The following OMA1 variants were observed in gnomAD, a reference collection of about 807,000 sequenced individuals.
OMA1 encodes the protein metalloendopeptidase OMA1, mitochondrial.
In OMA1, 38 loss-of-function variants were observed where a neutral mutation model predicts 30.9. That is an observed-to-expected ratio of 1.23 (90% CI 0.95 to 1.61). OMA1 has a LOEUF of 1.61. OMA1 is among the 40% of genes most tolerant of loss of function. The pLI is 0.00. For synonymous variants in OMA1, 173 were observed against 121.9 expected, an observed-to-expected ratio of 1.42 and a Z score of -2.76; for missense variants, 461 against 349.2, an observed-to-expected ratio of 1.32 and a Z score of -2.55.
intron 8 of OMA1, among the ~76,000 whole-genome samples, chr1:58,488,192 T>C (rs997270060): frequency 8.5e-5 from 13 of 152,186 alleles, no homozygotes; most frequent in African/African-American, 2.4e-4. Flanking sequence ...CATCCTCTTA[T>C]TGTTTATAGA....
chr1:58,539,310 C>T lies in OMA1; in HGVS notation c.-16G>A. The stretch of plus-strand genomic sequence containing the variant: ...TGAAGCTCATTTTTTCACTTGACTA[C>T]CTGAAACAAAAAAAAAACTATAAAT... On this transcript the variant is annotated splice_region_variant and 5_prime_UTR_variant, in exon 2 of 9. Transcript: ENST00000371226. 2.5e-6 allele frequency: 2 copies of T among 805,018 alleles called. No homozygotes were observed. The highest frequency in any genetic ancestry group is 2.3e-4 in the Middle Eastern group (1 of 4,264). 49.9% of individuals were successfully genotyped at this position (805,018 alleles called of 1,614,324 possible).
At chr1:58,526,658 T>C (rs4912344) in intron 7 of OMA1, among the ~76,000 whole-genome samples, 87,946 of 150,308 alleles carry the variant, frequency 0.59, 27,859 homozygotes, top group East Asian at 0.82. Flanking sequence ...TGTCTGTTCG[T>C]CTACTGTTTA....
chr1:58,491,150 T>C (rs79002688), intron 8 of OMA1, among the ~76,000 whole-genome samples: 5 of 151,994 alleles, frequency 3.3e-5, no homozygotes, highest in Admixed American at 2.6e-4. Context: ...CAGAATTTCA[T>C]ATCCAGCCAA....
chr1:58,498,864 C>G (rs1422625746), intron 8 of OMA1, among the ~76,000 whole-genome samples: 2 of 151,986 alleles, frequency 1.3e-5, no homozygotes, highest in Admixed American at 6.5e-5. Flanking sequence ...TGGATTCTGA[C>G]TAGTTTTTGA....
intron 7 of OMA1, among the ~76,000 whole-genome samples, chr1:58,509,763 A>G (rs896361457): frequency 1.3e-5 from 2 of 151,896 alleles, no homozygotes; most frequent in Admixed American, 1.3e-4. Context: ...AGTAAGAAAA[A>G]AAAAGACTTA....
intron 5 of OMA1, among the ~76,000 whole-genome samples, chr1:58,532,215 T>A (rs1342261288): frequency 1.3e-5 from 2 of 152,164 alleles, no homozygotes; most frequent in African/African-American, 4.8e-5. Flanking sequence ...AGAGAAAATA[T>A]TGTGCTGACA....
intron 7 of OMA1, among the ~76,000 whole-genome samples, chr1:58,520,777 A>G (rs1339521193): frequency 6.6e-6 from 1 of 152,202 alleles, no homozygotes; most frequent in Non-Finnish European, 1.5e-5. Flanking sequence ...TCTAACAAGT[A>G]TGTATATTAA....
At chr1:58,510,220 A>T (rs2100425409) in intron 7 of OMA1, among the ~76,000 whole-genome samples, 1 of 152,128 alleles carries the variant, frequency 6.6e-6, no homozygotes, top group East Asian at 1.9e-4. Flanking sequence ...ACATAAATAC[A>T]AAAATTCTTA....
chr1:58,489,832 G>C (rs149971045), intron 8 of OMA1, among the ~76,000 whole-genome samples: 18 of 152,266 alleles, frequency 1.2e-4, no homozygotes, highest in African/African-American at 3.6e-4. Context: ...AGGCAAACAG[G>C]GTCTGGAGTG....
chr1:58,494,445 G>A (rs1434876928), intron 8 of OMA1, among the ~76,000 whole-genome samples: 1 of 152,154 alleles, frequency 6.6e-6, no homozygotes, highest in Non-Finnish European at 1.5e-5. Context: ...AAGAGCTTCT[G>A]CACAGCAAAA....
chr1:58,530,567 C>T, intron 6 of OMA1, 34 bp downstream of exon 6: 3 of 856,520 alleles, frequency 3.5e-6, no homozygotes, highest in Non-Finnish European at 6.1e-6. Flanking sequence ...TCACCAGAGG[C>T]TATGATCAAT....
intron 8 of OMA1, among the ~76,000 whole-genome samples, chr1:58,496,140 C>T (rs1645797356): frequency 6.6e-6 from 1 of 151,804 alleles, no homozygotes; most frequent in Non-Finnish European, 1.5e-5. Context: ...TTTCCTGGTG[C>T]CTTTTCAATA....
intron 7 of OMA1, among the ~76,000 whole-genome samples, chr1:58,526,393 GATCA>G (rs960668627): frequency 6.6e-6 from 1 of 151,912 alleles, no homozygotes; most frequent in African/African-American, 2.4e-5. Flanking sequence ...CATAACAAAG[GATCA>G]ATTAAAACTT....
intron 8 of OMA1, among the ~76,000 whole-genome samples, chr1:58,487,788 C>T (rs909077901): frequency 2.0e-5 from 3 of 152,128 alleles, no homozygotes; most frequent in African/African-American, 7.2e-5. Flanking sequence ...ATTCCCCTCC[C>T]CCCTCAACAC....
intron 1 of OMA1, among the ~76,000 whole-genome samples, chr1:58,540,077 C>T (rs1175182057): frequency 6.6e-6 from 1 of 152,148 alleles, no homozygotes; most frequent in African/African-American, 2.4e-5. Flanking sequence ...ACAGGGCTCA[C>T]ACAGGGCATG....
chr1:58,520,248 G>A lies in OMA1; in HGVS notation c.1215+7013C>T, dbSNP rs554650351. 2.0e-4 allele frequency among the ~76,000 whole-genome samples: 31 copies of A among 151,830 alleles called. No homozygotes were observed. In the South Asian group the frequency reaches 6.2e-3, roughly 31 times the overall value. Reference sequence around the variant, plus strand: ...TGCACGTGTACCCTGGAACCTAAACGTTGAAAAAAATAAAAAATAAAAGAG... The same window carrying A: ...TGCACGTGTACCCTGGAACCTAAACATTGAAAAAAATAAAAAATAAAAGAG... On this transcript the variant is annotated intron_variant, in intron 7 of 8. Coordinates refer to ENST00000371226, the MANE Select transcript of OMA1 (RefSeq NM_145243.5).
chr1:58,493,465 G>A (rs1220608937), intron 8 of OMA1, among the ~76,000 whole-genome samples: 1 of 151,650 alleles, frequency 6.6e-6, no homozygotes, highest in Non-Finnish European at 1.5e-5. Context: ...TAGGAAAAGA[G>A]CAAGTCAAAT....
intron 7 of OMA1, among the ~76,000 whole-genome samples, chr1:58,512,307 A>C (rs1449519779): frequency 6.6e-6 from 1 of 152,218 alleles, no homozygotes; most frequent in African/African-American, 2.4e-5. Context: ...CAGTGAGAAC[A>C]TAAAATGGTG....
At chr1:58,490,422 C>T (rs1466283004) in intron 8 of OMA1, among the ~76,000 whole-genome samples, 3 of 152,116 alleles carry the variant, frequency 2.0e-5, no homozygotes, top group Non-Finnish European at 4.4e-5. Flanking sequence ...AACAAAGCCT[C>T]CAAGAAATAT....
Sources: gnomAD v4.1 joint callset for allele counts (sites outside exome capture counted in the v4.1 genomes callset) on GRCh38, gnomAD v4.1.1 for gene constraint, MANE v1.5 for transcripts, NCBI Gene and HGNC (gene_info 2026-07-23, HGNC 2026-07-21) for gene names.